Variants in GRHL2 observed in about 807,000 individuals in gnomAD.
The protein encoded by GRHL2 is grainyhead-like protein 2 homolog.
Under a neutral mutation model 83.8 loss-of-function variants are expected in GRHL2, and 21 were observed. The observed-to-expected ratio is 0.25, with a 90% CI of 0.18 to 0.36. The LOEUF is 0.36. GRHL2 is among the 10% of genes least tolerant of loss of function. The pLI, the probability that GRHL2 is intolerant of heterozygous loss-of-function variation, is 1.00. For synonymous variants in GRHL2, 280 were observed against 278.9 expected (o/e 1.00, Z -0.04); for missense variants, 623 against 781.8 (o/e 0.80, Z 2.42).
chr8:101,673,130 A>C (rs1262364441), downstream of GRHL2, among the ~76,000 whole-genome samples: 1 of 151,888 alleles, frequency 6.6e-6, no homozygotes, highest in Non-Finnish European at 1.5e-5. Context: ...CGAGACTAGG[A>C]AGAAACTGCA....
At position 101,620,221 on chromosome 8, in the gene GRHL2, C is replaced by T. The variant is rs577102339; in HGVS notation, c.1257+524C>T. ...CTCTACCCTCATGACCTCATCTAAA[C>T]CCAATTACCTCCCCAAAATTTCATC... On this transcript the variant is annotated intron_variant, in intron 9 of 15. Coordinates refer to ENST00000646743, the MANE Select transcript of GRHL2 (RefSeq NM_024915.4). Among the ~76,000 whole-genome samples, 7 of 152,284 alleles carry T rather than the reference C, an allele frequency of 4.6e-5. No individual in the cohort carries two copies. The South Asian group carries it at 1.5e-3, about 32-fold the overall frequency.
At chr8:101,618,262 T>C (rs1812894458) in intron 8 of GRHL2, among the ~76,000 whole-genome samples, 1 of 152,192 alleles carries the variant, frequency 6.6e-6, no homozygotes, top group Non-Finnish European at 1.5e-5. Flanking sequence ...CTCCCTCTCT[T>C]CTTACCAATA....
intron 7 of GRHL2, among the ~76,000 whole-genome samples, chr8:101,592,858 A>G (rs1041072209): frequency 2.0e-5 from 3 of 152,196 alleles, no homozygotes; most frequent in African/African-American, 7.2e-5. Context: ...TTTTGGCTAT[A>G]TCTCTGGCAG....
intron 1 of GRHL2, among the ~76,000 whole-genome samples, chr8:101,540,479 TTC>T (rs1375854152): frequency 6.6e-6 from 1 of 152,200 alleles, no homozygotes; most frequent in Non-Finnish European, 1.5e-5. Context: ...TGAGTCAATG[TTC>T]TCTCTTTCCT....
intron 1 of GRHL2, among the ~76,000 whole-genome samples, chr8:101,527,948 ATT>A (rs1418813981): frequency 2.0e-5 from 3 of 152,108 alleles, no homozygotes; most frequent in African/African-American, 7.2e-5. Flanking sequence ...TTTTCCCAGT[ATT>A]TGTAGCATTT....
At chr8:101,625,688 CTA>C (rs910701531) in intron 9 of GRHL2, among the ~76,000 whole-genome samples, 2 of 151,992 alleles carry the variant, frequency 1.3e-5, no homozygotes, top group African/African-American at 4.8e-5. Flanking sequence ...CTGGGAAGGA[CTA>C]TGTCAACAAA....
chr8:101,511,447 T>G (rs559154), intron 1 of GRHL2, among the ~76,000 whole-genome samples: 71,923 of 152,088 alleles, frequency 0.47, 20,804 homozygotes, highest in Non-Finnish European at 0.65. Context: ...GTTCAAGTGA[T>G]TCCTCAAGCG....
intron 7 of GRHL2, among the ~76,000 whole-genome samples, chr8:101,596,908 A>G (rs565778611): frequency 6.6e-6 from 1 of 152,332 alleles, no homozygotes; most frequent in Non-Finnish European, 1.5e-5. Flanking sequence ...TGGCTTTAAA[A>G]TTTCCATAGG....
chr8:101,622,192 A>C (rs914730693), intron 9 of GRHL2, among the ~76,000 whole-genome samples: 1 of 152,248 alleles, frequency 6.6e-6, no homozygotes, highest in Non-Finnish European at 1.5e-5. Flanking sequence ...CAAACTTTTC[A>C]ACAGCAACAC....
intron 9 of GRHL2, among the ~76,000 whole-genome samples, chr8:101,622,515 C>T (rs1812986421): frequency 6.6e-6 from 1 of 151,768 alleles, no homozygotes; most frequent in South Asian, 2.1e-4. Context: ...AGACATCGTA[C>T]AATTATTTTA....
chr8:101,680,021 C>A, the GRHL2 span, among the ~76,000 whole-genome samples: 24,312 of 110,900 alleles, frequency 0.22, 5,720 homozygotes, highest in Non-Finnish European at 0.3. Context: ...CATCAACTAA[C>A]GAGCAAAATA....
intron 4 of GRHL2, among the ~76,000 whole-genome samples, chr8:101,567,290 T>A (rs1170712931): frequency 2.0e-5 from 3 of 152,240 alleles, no homozygotes; most frequent in Non-Finnish European, 4.4e-5. Context: ...ACAGATGCAC[T>A]GTATCAAATC....
intron 7 of GRHL2, among the ~76,000 whole-genome samples, chr8:101,586,662 C>T (rs893900532): frequency 6.6e-6 from 1 of 152,194 alleles, no homozygotes; most frequent in African/African-American, 2.4e-5. Flanking sequence ...AACCTTGAAT[C>T]TTTGTATGCT....
chr8:101,548,802 A>C (rs1811318238), intron 2 of GRHL2, among the ~76,000 whole-genome samples: 1 of 152,244 alleles, frequency 6.6e-6, no homozygotes. Flanking sequence ...TATTGTGCCT[A>C]GCACCTTAAA....
intron 11 of GRHL2, 90 bp from the exon 12 acceptor site, chr8:101,636,807 G>C: frequency 8.9e-7 from 1 of 1,128,754 alleles, no homozygotes; most frequent in Non-Finnish European, 1.4e-6. Context: ...TTAAGAGACA[G>C]TTTATGCCTT....
At chr8:101,593,714 A>C (rs916510345) in intron 7 of GRHL2, among the ~76,000 whole-genome samples, 1 of 152,262 alleles carries the variant, frequency 6.6e-6, no homozygotes. Context: ...AAGGATCTCA[A>C]GATAAGATCA....
chr8:101,514,374 G>T (rs571864876), intron 1 of GRHL2, among the ~76,000 whole-genome samples: 55 of 152,294 alleles, frequency 3.6e-4, no homozygotes, highest in Non-Finnish European at 6.3e-4. Context: ...AACATGCGAG[G>T]ATCTTACTAA....
chr8:101,550,290 G>T (rs1276208522), intron 2 of GRHL2, among the ~76,000 whole-genome samples: 1 of 151,996 alleles, frequency 6.6e-6, no homozygotes, highest in Non-Finnish European at 1.5e-5. Flanking sequence ...GGATACGACT[G>T]TGCCCAGCAC....
chr8:101,607,806 G>A (rs1168191230), intron 8 of GRHL2, among the ~76,000 whole-genome samples: 1 of 152,124 alleles, frequency 6.6e-6, no homozygotes, highest in Non-Finnish European at 1.5e-5. Flanking sequence ...CTTAAACAAA[G>A]CCATGCCTTT....
Sources: gnomAD v4.1 joint callset for allele counts (sites outside exome capture counted in the v4.1 genomes callset) on GRCh38, gnomAD v4.1.1 for gene constraint, MANE v1.5 for transcripts, NCBI Gene and HGNC (gene_info 2026-07-23, HGNC 2026-07-21) for gene names.